The following IGF2BP3 variants were observed in gnomAD, a reference collection of about 807,000 sequenced individuals.
IGF2BP3 encodes the protein insulin like growth factor 2 mRNA binding protein 3.
Under a neutral mutation model 73.8 loss-of-function variants are expected in IGF2BP3, and 9 were observed. The ratio of observed to expected loss-of-function variants is 0.12; its 90% CI spans 0.07 to 0.21. The LOEUF is 0.21. Ranked by LOEUF, IGF2BP3 falls within the 10% of genes least tolerant of loss-of-function variation. The pLI is 1.00. For synonymous variants in IGF2BP3, 258 were observed against 256.7 expected, an observed-to-expected ratio of 1.01 and a Z score of -0.05; for missense variants, 542 against 714.0, an observed-to-expected ratio of 0.76 and a Z score of 2.75.
At chr7:23,352,077 G>T (rs1784977087) in intron 5 of IGF2BP3, among the ~76,000 whole-genome samples, 1 of 152,092 alleles carries the variant, frequency 6.6e-6, no homozygotes, top group Non-Finnish European at 1.5e-5. Flanking sequence ...AGAACCAGTG[G>T]ACAAATATCT....
intron 2 of IGF2BP3, among the ~76,000 whole-genome samples, chr7:23,461,511 G>A (rs572393043): frequency 2.6e-5 from 4 of 152,164 alleles, no homozygotes; most frequent in African/African-American, 9.6e-5. Context: ...TCTCCATTTT[G>A]GTAAATGGCA....
At chr7:23,393,163 C>A (rs756928538) in intron 3 of IGF2BP3, among the ~76,000 whole-genome samples, 1 of 152,122 alleles carries the variant, frequency 6.6e-6, no homozygotes, top group Non-Finnish European at 1.5e-5. Context: ...AGTGGCCTTC[C>A]AGAAGGACCC....
At chr7:23,350,973 T>C (rs1489371936) in intron 6 of IGF2BP3, among the ~76,000 whole-genome samples, 1 of 151,904 alleles carries the variant, frequency 6.6e-6, no homozygotes, top group East Asian at 1.9e-4. Flanking sequence ...CCAAAAACAA[T>C]GAGGGCAGGT....
At chr7:23,456,788 G>A (rs1788330222) in intron 2 of IGF2BP3, among the ~76,000 whole-genome samples, 3 of 152,288 alleles carry the variant, frequency 2.0e-5, no homozygotes, top group East Asian at 3.9e-4. Context: ...AGTGGCTCAC[G>A]CCCGTAATCC....
intron 3 of IGF2BP3, chr7:23,415,245 T>A (rs1787151520): frequency 8.7e-6 from 2 of 231,098 alleles, no homozygotes; most frequent in South Asian, 3.9e-5. Context: ...ACCAGGTCCC[T>A]ACCCATCAGT....
chr7:23,461,036 CA>C (rs1788439520), intron 2 of IGF2BP3, among the ~76,000 whole-genome samples: 1 of 151,988 alleles, frequency 6.6e-6, no homozygotes, highest in Admixed American at 6.6e-5. Flanking sequence ...CAGGTTGCTC[CA>C]AAATTTGTAA....
chr7:23,448,852 G>A (rs1367181778), intron 2 of IGF2BP3, among the ~76,000 whole-genome samples: 3 of 151,804 alleles, frequency 2.0e-5, no homozygotes, highest in Non-Finnish European at 4.4e-5. Flanking sequence ...AGCTGGTCTC[G>A]ATCTCCTGAC....
chr7:23,343,907 C>T, intron 8 of IGF2BP3, 54 bp from the exon 9 acceptor site: 1 of 1,573,454 alleles, frequency 6.4e-7, no homozygotes, highest in Non-Finnish European at 8.6e-7. Flanking sequence ...AGGAAGACAG[C>T]TAATAATTCA....
chr7:23,412,965 T>C (rs868362647), intron 3 of IGF2BP3, among the ~76,000 whole-genome samples: 4 of 143,682 alleles, frequency 2.8e-5, no homozygotes, highest in African/African-American at 1.0e-4. Flanking sequence ...GTTCAAGAGG[T>C]TCCCCTGACT....
intron 2 of IGF2BP3, among the ~76,000 whole-genome samples, chr7:23,443,158 G>T (rs1413685776): frequency 2.2e-5 from 3 of 134,184 alleles, no homozygotes; most frequent in Admixed American, 8.5e-5. Context: ...TGTCACCCAG[G>T]CTGGTGACAC....
intron 2 of IGF2BP3, among the ~76,000 whole-genome samples, chr7:23,442,977 G>A (rs1252483805): frequency 6.6e-6 from 1 of 151,724 alleles, no homozygotes; most frequent in Non-Finnish European, 1.5e-5. Context: ...TGAAATTTCA[G>A]TATCTTAAAT....
chr7:23,366,349 G>A (rs1000694174), intron 3 of IGF2BP3, among the ~76,000 whole-genome samples: 2 of 151,976 alleles, frequency 1.3e-5, no homozygotes, highest in Non-Finnish European at 2.9e-5. Flanking sequence ...TGTTGCCCAG[G>A]CTGGTCTCGA....
At chr7:23,443,876 G>A (rs923603622) in intron 2 of IGF2BP3, among the ~76,000 whole-genome samples, 8 of 151,838 alleles carry the variant, frequency 5.3e-5, no homozygotes, top group Admixed American at 1.3e-4. Flanking sequence ...AGGCATGGTG[G>A]CACACGCCTG....
In IGF2BP3 at chr7:23,395,487, T is replaced by C. The variant is rs570931330; in HGVS notation, c.285+23289A>G. Among the ~76,000 whole-genome samples, 3 of 151,980 alleles carry C rather than the reference T, an allele frequency of 2.0e-5. No homozygotes were observed. The East Asian group carries it at 5.8e-4, about 29-fold the overall frequency. On this transcript the variant is annotated intron_variant, in intron 3 of 14. Coordinates refer to ENST00000258729, the MANE Select transcript of IGF2BP3 (RefSeq NM_006547.3). ...TAAAACTCAATGACCTCGGGCCAAGTGCAGTGGCTGACACCTATAATCCCA... is the reference window on the plus strand; with the variant it reads ...TAAAACTCAATGACCTCGGGCCAAGCGCAGTGGCTGACACCTATAATCCCA...
intron 3 of IGF2BP3, among the ~76,000 whole-genome samples, chr7:23,412,684 C>T (rs1285209573): frequency 6.6e-6 from 1 of 152,072 alleles, no homozygotes; most frequent in Non-Finnish European, 1.5e-5. Context: ...CTAATGTCTT[C>T]CTTTACATAA....
intron 12 of IGF2BP3, among the ~76,000 whole-genome samples, chr7:23,315,234 AG>A (rs1427649529): frequency 2.6e-5 from 4 of 151,254 alleles, no homozygotes; most frequent in African/African-American, 9.8e-5. Flanking sequence ...CAGCCTCCTA[AG>A]TAGCTGGGAT....
chr7:23,453,991 T>G (rs1344754660), intron 2 of IGF2BP3, among the ~76,000 whole-genome samples: 1 of 152,164 alleles, frequency 6.6e-6, no homozygotes, highest in Non-Finnish European at 1.5e-5. Context: ...CATGCCTGGC[T>G]AATTTTTGTT....
Position 23,470,073 on chromosome 7 carries a change from G to C in IGF2BP3, c.38C>G (p.Ala13Gly). ...GATACTTTCTAGGTCCGAGGGGGCG[G>C]CGTTCTCGCTGAGGTTTCCGATATA... The part of the protein sequence containing the change: ...KLYIGNLSEN[A>G]APSDLESIFK... The change falls in exon 1 of 15, where the codon GCC (alanine) becomes GGC (glycine). Residue 13 changes from alanine to glycine, a missense_variant. Physicochemically the swap from Ala to Gly is moderately conservative, Grantham distance 60. This residue lies in a region of IGF2BP3 where 239 missense variants were observed against 241.9 expected (regional missense o/e 0.99). Coordinates refer to ENST00000258729, the MANE Select transcript of IGF2BP3 (RefSeq NM_006547.3). The C allele has an allele frequency of 6.2e-7, 1 of 1,609,858 alleles. No individual in the cohort carries two copies. Among genetic ancestry groups the C allele is most frequent in the South Asian group, 1.1e-5 (1 of 90,522 alleles).
intron 3 of IGF2BP3, among the ~76,000 whole-genome samples, chr7:23,388,087 CCCGACA>C (rs1243774539): frequency 6.6e-6 from 1 of 151,906 alleles, no homozygotes; most frequent in Non-Finnish European, 1.5e-5. Flanking sequence ...ACTACAGGTG[CCCGACA>C]CCACGCCCGG....
Sources: gnomAD v4.1 joint callset for allele counts (sites outside exome capture counted in the v4.1 genomes callset) on GRCh38, gnomAD v4.1.1 for gene constraint, gnomAD v4.1.1 regional missense constraint, MANE v1.5 for transcripts, NCBI Gene and HGNC (gene_info 2026-07-23, HGNC 2026-07-21) for gene names.